SUGCT: variants seen among roughly 807,000 people sequenced by gnomAD.
SUGCT encodes succinyl-CoA:glutarate-CoA transferase.
Under a neutral mutation model 55.0 loss-of-function variants are expected in SUGCT, and 41 were observed. The ratio of observed to expected loss-of-function variants is 0.74; its 90% CI spans 0.58 to 0.97. The LOEUF (loss-of-function observed/expected upper bound fraction) is 0.97. Among genes scored for constraint, SUGCT ranks in the 50% least tolerant of loss-of-function variants. The pLI is 0.00. For missense variants in SUGCT, 568 were observed against 547.8 expected (o/e 1.04, Z -0.37); for synonymous variants, 187 against 200.4 (o/e 0.93, Z 0.56).
At chr7:41,016,717 T>A in the SUGCT span, among the ~76,000 whole-genome samples, 2 of 152,208 alleles carry the variant, frequency 1.3e-5, no homozygotes, top group African/African-American at 4.8e-5. Context: ...ATTGTCTAGA[T>A]AAGATGCCTT....
At chr7:40,705,841 G>T (rs574091061) in intron 12 of SUGCT, among the ~76,000 whole-genome samples, 1 of 152,266 alleles carries the variant, frequency 6.6e-6, no homozygotes, top group South Asian at 2.1e-4. Context: ...TTCCATGGTG[G>T]CATATCTCAG....
chr7:40,858,295 G>A (rs1333706725), intron 13 of SUGCT, among the ~76,000 whole-genome samples: 5 of 151,540 alleles, frequency 3.3e-5, no homozygotes, highest in African/African-American at 1.2e-4. Flanking sequence ...CCCAGCTACT[G>A]GGGAGGCTGA....
chr7:40,854,740 C>T (rs894433873), intron 13 of SUGCT, among the ~76,000 whole-genome samples: 2 of 151,792 alleles, frequency 1.3e-5, no homozygotes, highest in Middle Eastern at 3.2e-3. Flanking sequence ...AGTTTGAGAC[C>T]AGCCTGGGCA....
chr7:40,812,570 G>A (rs1791479282), intron 13 of SUGCT, among the ~76,000 whole-genome samples: 1 of 151,980 alleles, frequency 6.6e-6, no homozygotes, highest in Admixed American at 6.6e-5. Flanking sequence ...CAGTTGTAAT[G>A]TCACCTTTGT....
At chr7:40,284,236 G>T (rs1372522817) in intron 8 of SUGCT, among the ~76,000 whole-genome samples, 1 of 152,096 alleles carries the variant, frequency 6.6e-6, no homozygotes, top group Non-Finnish European at 1.5e-5. Context: ...GTACAGCAAG[G>T]TGACTAGAGT....
chr7:40,951,391 C>A, the SUGCT span, among the ~76,000 whole-genome samples: 65 of 152,114 alleles, frequency 4.3e-4, no homozygotes, highest in African/African-American at 1.5e-3. Context: ...TTTTGTTGAT[C>A]TTTTCAAAAA....
intron 13 of SUGCT, among the ~76,000 whole-genome samples, chr7:40,828,131 G>A (rs1262578525): frequency 6.6e-6 from 1 of 152,242 alleles, no homozygotes; most frequent in Non-Finnish European, 1.5e-5. Context: ...ATTGGAACAT[G>A]AGAGGATAGA....
chr7:40,264,875 T>C (rs1791455601), intron 7 of SUGCT, among the ~76,000 whole-genome samples: 1 of 152,220 alleles, frequency 6.6e-6, no homozygotes, highest in Non-Finnish European at 1.5e-5. Context: ...TTCTGACAGG[T>C]GTCCCATCAT....
chr7:40,388,433 T>C (rs1294469069), intron 9 of SUGCT, among the ~76,000 whole-genome samples: 1 of 152,198 alleles, frequency 6.6e-6, no homozygotes, highest in East Asian at 1.9e-4. Flanking sequence ...TTATTTATTT[T>C]TGGAGACAGT....
At chr7:40,663,329 G>T (rs1435942146) in intron 12 of SUGCT, among the ~76,000 whole-genome samples, 1 of 151,522 alleles carries the variant, frequency 6.6e-6, no homozygotes, top group African/African-American at 2.4e-5. Context: ...GGGAAAAATA[G>T]TTATGTGAAT....
chr7:40,245,713 C>T (rs1426388479), intron 7 of SUGCT, among the ~76,000 whole-genome samples: 3 of 151,924 alleles, frequency 2.0e-5, no homozygotes, highest in East Asian at 3.9e-4. Flanking sequence ...GCTGGGATTA[C>T]AGGCGTGAGC....
At chr7:40,762,901 C>T (rs1788605306) in intron 13 of SUGCT, among the ~76,000 whole-genome samples, 1 of 151,984 alleles carries the variant, frequency 6.6e-6, no homozygotes, top group African/African-American at 2.4e-5. Context: ...CAACCTATCC[C>T]TCCCAGGTTC....
intron 9 of SUGCT, among the ~76,000 whole-genome samples, chr7:40,324,993 G>A (rs898238528): frequency 7.2e-5 from 11 of 152,116 alleles, no homozygotes; most frequent in Non-Finnish European, 1.6e-4. Flanking sequence ...GTTCCAATTT[G>A]GGCTTATTCA....
intron 9 of SUGCT, among the ~76,000 whole-genome samples, chr7:40,361,749 A>G (rs1583509222): frequency 6.6e-6 from 1 of 152,088 alleles, no homozygotes; most frequent in East Asian, 1.9e-4. Context: ...CTGGAGATAC[A>G]GACTTGGGAG....
intron 9 of SUGCT, among the ~76,000 whole-genome samples, chr7:40,420,837 T>C (rs1172329249): frequency 6.6e-6 from 1 of 151,998 alleles, no homozygotes; most frequent in African/African-American, 2.4e-5. Context: ...CCACACACTA[T>C]ATATATACTT....
At position 40,210,158 on chromosome 7, in the gene SUGCT, A is replaced by G. The variant is rs1254896042; in HGVS notation, c.484+15098A>G. Among the ~76,000 whole-genome samples, 7 of 151,974 alleles carry G rather than the reference A, an allele frequency of 4.6e-5. 1 individual carries two copies. The East Asian group carries it at 1.4e-3, about 30-fold the overall frequency. ...AGTGGCATGCTCTCAGCTCACTGCA[A>G]CCTCAGCCTCCCGAGTAGCTGGGAT... On this transcript the variant is annotated intron_variant, in intron 6 of 13. Transcript: ENST00000335693.
intron 8 of SUGCT, among the ~76,000 whole-genome samples, chr7:40,290,104 C>T (rs1269753621): frequency 3.3e-5 from 5 of 151,910 alleles, no homozygotes; most frequent in African/African-American, 2.4e-5. Flanking sequence ...AGATTCAATG[C>T]CATCCCCATC....
intron 12 of SUGCT, among the ~76,000 whole-genome samples, chr7:40,501,188 A>G (rs910407519): frequency 3.3e-5 from 5 of 152,202 alleles, no homozygotes; most frequent in Admixed American, 2.0e-4. Flanking sequence ...CTGAATATAC[A>G]TGACACATTC....
chr7:40,696,789 G>T (rs539750452), intron 12 of SUGCT, among the ~76,000 whole-genome samples: 24 of 152,212 alleles, frequency 1.6e-4, no homozygotes, highest in African/African-American at 4.8e-4. Context: ...AGTTTACAAT[G>T]ACTGCAGCTG....
Sources: gnomAD v4.1 joint callset for allele counts (sites outside exome capture counted in the v4.1 genomes callset) on GRCh38, gnomAD v4.1.1 for gene constraint, MANE v1.5 for transcripts, NCBI Gene and HGNC (gene_info 2026-07-23, HGNC 2026-07-21) for gene names.